Variants in AGBL4 observed in about 807,000 individuals in gnomAD.
AGBL4 encodes AGBL carboxypeptidase 4, also known as cytosolic carboxypeptidase 6.
A neutral mutation model predicts 66.4 loss-of-function variants in AGBL4; 58 were observed. The observed-to-expected ratio is 0.87, with a 90% CI of 0.71 to 1.09. AGBL4 has a LOEUF of 1.09. Ranked by LOEUF, AGBL4 falls within the 50% of genes least tolerant of loss-of-function variation. The pLI is 0.00. For missense variants in AGBL4, 579 were observed against 631.0 expected (o/e 0.92, Z 0.88); for synonymous variants, 234 against 222.9 (o/e 1.05, Z -0.44).
intron 4 of AGBL4, among the ~76,000 whole-genome samples, chr1:49,132,522 A>G (rs1645920948): frequency 6.6e-6 from 1 of 152,136 alleles, no homozygotes; most frequent in African/African-American, 2.4e-5. Flanking sequence ...GAGATTGGAA[A>G]AGATCTTAAA....
At chr1:49,992,042 T>C (rs1242629953) in intron 1 of AGBL4, among the ~76,000 whole-genome samples, 1 of 152,208 alleles carries the variant, frequency 6.6e-6, no homozygotes, top group East Asian at 1.9e-4. Flanking sequence ...AAGCCACTTC[T>C]CTTCCTTCAT....
At chr1:49,029,883 G>T (rs1664066046) in intron 5 of AGBL4, among the ~76,000 whole-genome samples, 1 of 152,174 alleles carries the variant, frequency 6.6e-6, no homozygotes, top group Non-Finnish European at 1.5e-5. Context: ...TACATGTATA[G>T]TCAACTGATT....
intron 6 of AGBL4, among the ~76,000 whole-genome samples, chr1:48,821,235 A>G (rs1646306100): frequency 6.6e-6 from 1 of 152,210 alleles, no homozygotes; most frequent in South Asian, 2.1e-4. Flanking sequence ...TAGCAATGTC[A>G]CTACTGGGCA....
chr1:49,987,007 A>G (rs1228377536), intron 1 of AGBL4, among the ~76,000 whole-genome samples: 1 of 152,012 alleles, frequency 6.6e-6, no homozygotes, highest in Admixed American at 6.6e-5. Context: ...TCTGCAGAAG[A>G]TTTTGATGGG....
intron 1 of AGBL4, among the ~76,000 whole-genome samples, chr1:49,895,189 C>T (rs539427988): frequency 6.7e-6 from 1 of 149,720 alleles, no homozygotes; most frequent in Non-Finnish European, 1.5e-5. Flanking sequence ...AGAAGACTTT[C>T]CCAGTTTAAA....
At chr1:49,647,478 T>C (rs78146384) in intron 3 of AGBL4, among the ~76,000 whole-genome samples, 3,656 of 152,148 alleles carry the variant, frequency 0.024, 123 homozygotes, top group African/African-American at 0.084. Flanking sequence ...GAGAATTGGT[T>C]TGGACAACTC....
intron 3 of AGBL4, among the ~76,000 whole-genome samples, chr1:49,269,896 T>A (rs1644016891): frequency 6.6e-6 from 1 of 152,184 alleles, no homozygotes; most frequent in East Asian, 1.9e-4. Flanking sequence ...CTTTAATCCC[T>A]ACAATTTTGG....
chr1:48,961,963 A>T (rs1658026127), intron 5 of AGBL4, among the ~76,000 whole-genome samples: 1 of 152,110 alleles, frequency 6.6e-6, no homozygotes, highest in Non-Finnish European at 1.5e-5. Context: ...CTGGGTATGG[A>T]TTCTGATTCA....
At chr1:48,903,441 A>G (rs563045072) in intron 5 of AGBL4, among the ~76,000 whole-genome samples, 2 of 152,162 alleles carry the variant, frequency 1.3e-5, no homozygotes, top group East Asian at 3.9e-4. Flanking sequence ...ACTTGGCCTG[A>G]CTCCCCAGTC....
chr1:49,565,733 A>T (rs1163946065), intron 3 of AGBL4, among the ~76,000 whole-genome samples: 1 of 151,824 alleles, frequency 6.6e-6, no homozygotes, highest in Non-Finnish European at 1.5e-5. Flanking sequence ...GGCTGCCCTT[A>T]ACATTTTTTC....
At position 48,634,530 on chromosome 1, in the gene AGBL4, C is replaced by T. The variant is rs1263705200; in HGVS notation, c.914G>A (p.Gly305Glu). The stretch of plus-strand genomic sequence containing the variant: ...CATCTGGACGATGAGTTGTTTCACT[C>T]CATGCAGGGTAGGATGGACCCATGG... ...PSPWVHPTLH[G>E]VKQLIVQMYN... Residue 305 changes from glycine to glutamate, a missense_variant, in exon 9 of 14, where the codon GGA becomes GAA. Transcript: ENST00000371839. 1 of 1,605,838 alleles carries T rather than the reference C, an allele frequency of 6.2e-7. No individual in the cohort carries two copies. Among genetic ancestry groups the T allele is most frequent in the African/African-American group, 1.3e-5 (1 of 74,824 alleles).
intron 5 of AGBL4, among the ~76,000 whole-genome samples, chr1:48,936,846 G>A (rs1655522960): frequency 6.6e-6 from 1 of 152,180 alleles, no homozygotes; most frequent in Admixed American, 6.5e-5. Context: ...CTTTCTCAAG[G>A]TTCTTCAGCA....
chr1:49,707,555 T>G (rs938858450), intron 2 of AGBL4, among the ~76,000 whole-genome samples: 1 of 152,192 alleles, frequency 6.6e-6, no homozygotes, highest in African/African-American at 2.4e-5. Context: ...CATTTACATT[T>G]GAGGTTAGTA....
chr1:48,826,113 T>C (rs1646422255), intron 6 of AGBL4, among the ~76,000 whole-genome samples: 1 of 152,076 alleles, frequency 6.6e-6, no homozygotes, highest in African/African-American at 2.4e-5. Flanking sequence ...TTCCCTAAAA[T>C]CTCAGGTAAT....
At chr1:49,464,254 C>G (rs982888147) in intron 3 of AGBL4, among the ~76,000 whole-genome samples, 2 of 151,702 alleles carry the variant, frequency 1.3e-5, no homozygotes, top group African/African-American at 4.8e-5. Context: ...TATATATACT[C>G]TCACTTGATT....
chr1:49,980,223 A>G (rs1490017552), intron 1 of AGBL4, among the ~76,000 whole-genome samples: 2 of 152,126 alleles, frequency 1.3e-5, no homozygotes, highest in African/African-American at 2.4e-5. Flanking sequence ...GGTCAATCAC[A>G]TAGCAGAAAT....
At chr1:49,737,954 G>A (rs1466186126) in intron 2 of AGBL4, among the ~76,000 whole-genome samples, 1 of 152,204 alleles carries the variant, frequency 6.6e-6, no homozygotes, top group Non-Finnish European at 1.5e-5. Flanking sequence ...TCTCACTAGG[G>A]ACTGTTGGTC....
At chr1:49,923,066 C>G (rs575931650) in intron 1 of AGBL4, among the ~76,000 whole-genome samples, 18 of 152,312 alleles carry the variant, frequency 1.2e-4, no homozygotes, top group African/African-American at 4.3e-4. Flanking sequence ...CGACTTCAAA[C>G]AATCCTACAG....
intron 6 of AGBL4, among the ~76,000 whole-genome samples, chr1:48,763,580 A>C (rs1644384997): frequency 1.3e-5 from 2 of 152,110 alleles, no homozygotes; most frequent in Non-Finnish European, 2.9e-5. Flanking sequence ...AAGCTCCTGG[A>C]CTAGTCTTCA....
Sources: gnomAD v4.1 joint callset for allele counts (sites outside exome capture counted in the v4.1 genomes callset) on GRCh38, gnomAD v4.1.1 for gene constraint, MANE v1.5 for transcripts, NCBI Gene and HGNC (gene_info 2026-07-23, HGNC 2026-07-21) for gene names.